The following DPP10 variants were observed in gnomAD, a reference collection of about 807,000 sequenced individuals.
DPP10 encodes inactive dipeptidyl peptidase 10.
DPP10 carries 33 observed loss-of-function variants against 120.9 expected under a neutral mutation model. That is an observed-to-expected ratio of 0.27 (90% confidence interval 0.21 to 0.37). DPP10 has a LOEUF of 0.37. DPP10 is among the 10% of genes least tolerant of loss of function. The probability of loss-of-function intolerance (pLI) is 1.00; values close to 1 mark genes in which losing one functional copy is unlikely to be tolerated. For missense variants in DPP10, 816 were observed against 942.8 expected, an observed-to-expected ratio of 0.87 and a Z score of 1.76; for synonymous variants, 337 against 326.1, an observed-to-expected ratio of 1.03 and a Z score of -0.36.
intron 1 of DPP10, among the ~76,000 whole-genome samples, chr2:115,156,568 G>A (rs1226123845): frequency 6.6e-6 from 1 of 152,198 alleles, no homozygotes; most frequent in African/African-American, 2.4e-5. Context: ...TTTCTAGAAT[G>A]GGAAATGTGT....
intron 7 of DPP10, among the ~76,000 whole-genome samples, chr2:115,713,209 T>C (rs750169086): frequency 5.9e-5 from 9 of 151,940 alleles, no homozygotes; most frequent in Non-Finnish European, 1.3e-4. Flanking sequence ...GCAGCAGTCA[T>C]GAGAGAGGGC....
At chr2:115,622,873 C>G (rs997417526) in intron 5 of DPP10, among the ~76,000 whole-genome samples, 5 of 142,984 alleles carry the variant, frequency 3.5e-5, no homozygotes, top group Admixed American at 1.4e-4. Context: ...GATGGAGTCT[C>G]GCTCTGTCGC....
At chr2:115,244,251 G>C (rs1275617147) in intron 1 of DPP10, among the ~76,000 whole-genome samples, 1 of 78,486 alleles carries the variant, frequency 1.3e-5, no homozygotes. Flanking sequence ...GAGAGAGAGA[G>C]AGAGAGAGAG....
intron 1 of DPP10, among the ~76,000 whole-genome samples, chr2:115,041,117 C>CAAAAAAAA (rs10577275): frequency 1.5e-4 from 19 of 127,932 alleles, no homozygotes; most frequent in Non-Finnish European, 2.2e-4. Context: ...TAGCTCAAAA[C>CAAAAAAAA]AAAAAAAAAA....
intron 1 of DPP10, among the ~76,000 whole-genome samples, chr2:115,099,722 A>G (rs1448906389): frequency 6.6e-6 from 1 of 152,148 alleles, no homozygotes; most frequent in Non-Finnish European, 1.5e-5. Flanking sequence ...TGTAGAGTGC[A>G]TGCTGTCTCC....
intron 1 of DPP10, among the ~76,000 whole-genome samples, chr2:114,525,889 A>G (rs1573566611): frequency 6.6e-6 from 1 of 152,174 alleles, no homozygotes; most frequent in African/African-American, 2.4e-5. Flanking sequence ...ATTACTCCAC[A>G]TTGGCTGGCC....
At chr2:115,361,528 C>T (rs866962031) in intron 3 of DPP10, among the ~76,000 whole-genome samples, 9 of 152,044 alleles carry the variant, frequency 5.9e-5, no homozygotes, top group Non-Finnish European at 1.3e-4. Flanking sequence ...GTTTCCTGCA[C>T]CCCCTCATGC....
At chr2:115,224,733 C>T (rs1459101327) in intron 1 of DPP10, among the ~76,000 whole-genome samples, 2 of 152,018 alleles carry the variant, frequency 1.3e-5, no homozygotes, top group Non-Finnish European at 1.5e-5. Flanking sequence ...TTAAATTTAG[C>T]GTTATACAAG....
At chr2:114,564,918 G>A (rs952016276) in intron 1 of DPP10, among the ~76,000 whole-genome samples, 7 of 152,260 alleles carry the variant, frequency 4.6e-5, no homozygotes, top group African/African-American at 1.2e-4. Flanking sequence ...CACCAGAAAA[G>A]TTTTGTCTCC....
At chr2:115,021,982 G>T (rs1703108368) in intron 1 of DPP10, among the ~76,000 whole-genome samples, 1 of 151,890 alleles carries the variant, frequency 6.6e-6, no homozygotes, top group Admixed American at 6.6e-5. Flanking sequence ...AAAACCCTCA[G>T]CAAAATTGGC....
At chr2:115,524,545 A>C (rs926939697) in intron 4 of DPP10, among the ~76,000 whole-genome samples, 1 of 152,116 alleles carries the variant, frequency 6.6e-6, no homozygotes, top group African/African-American at 2.4e-5. Flanking sequence ...AGAGTTTCTA[A>C]GCAAGGTTTC....
intron 8 of DPP10, among the ~76,000 whole-genome samples, chr2:115,738,469 G>A (rs1676866896): frequency 1.3e-5 from 2 of 152,146 alleles, no homozygotes; most frequent in Non-Finnish European, 2.9e-5. Flanking sequence ...TAGAGATGCT[G>A]TGTGGAGCCT....
chr2:114,504,726 C>T (rs1683487035), intron 1 of DPP10, among the ~76,000 whole-genome samples: 1 of 152,094 alleles, frequency 6.6e-6, no homozygotes, highest in Admixed American at 6.6e-5. Context: ...TTCCTCTACC[C>T]TCTAAGGGTC....
chr2:114,805,414 A>G (rs1172970123), intron 1 of DPP10, among the ~76,000 whole-genome samples: 1 of 152,144 alleles, frequency 6.6e-6, no homozygotes, highest in South Asian at 2.1e-4. Flanking sequence ...CAGTACTGTG[A>G]ACTTTGGGGC....
At chr2:114,708,288 G>A (rs1700808664) in intron 1 of DPP10, among the ~76,000 whole-genome samples, 1 of 152,068 alleles carries the variant, frequency 6.6e-6, no homozygotes. Flanking sequence ...TTACACCCTG[G>A]TTGCCCCTGG....
chr2:115,247,807 G>A (rs1262724482), intron 1 of DPP10, among the ~76,000 whole-genome samples: 2 of 152,142 alleles, frequency 1.3e-5, no homozygotes, highest in Non-Finnish European at 2.9e-5. Flanking sequence ...AAAACACCCC[G>A]TGAAAGATTA....
At chr2:114,750,401 T>C (rs1411872962) in intron 1 of DPP10, among the ~76,000 whole-genome samples, 2 of 152,024 alleles carry the variant, frequency 1.3e-5, no homozygotes, top group Non-Finnish European at 2.9e-5. Flanking sequence ...TGGCACAATC[T>C]TGGCTCACTG....
chr2:114,711,152 T>C (rs778650683), intron 1 of DPP10, among the ~76,000 whole-genome samples: 1 of 152,194 alleles, frequency 6.6e-6, no homozygotes, highest in Non-Finnish European at 1.5e-5. Context: ...CATTTACCCA[T>C]CAACGTTTGA....
At chr2:115,028,369 T>C (rs1703616680) in intron 1 of DPP10, among the ~76,000 whole-genome samples, 1 of 152,102 alleles carries the variant, frequency 6.6e-6, no homozygotes, top group South Asian at 2.1e-4. Flanking sequence ...AGGAACATAC[T>C]GTTGACTTTT....
Sources: gnomAD v4.1 joint callset for allele counts (sites outside exome capture counted in the v4.1 genomes callset) on GRCh38, gnomAD v4.1.1 for gene constraint, MANE v1.5 for transcripts, NCBI Gene and HGNC (gene_info 2026-07-23, HGNC 2026-07-21) for gene names.